The following RASSF1 variants were observed in gnomAD, a reference collection of about 807,000 sequenced individuals.
RASSF1 encodes Ras association domain family member 1.
Under a neutral mutation model 34.3 loss-of-function variants are expected in RASSF1, and 33 were observed. The observed-to-expected ratio is 0.96, with a 90% CI of 0.73 to 1.29. The LOEUF is 1.29. RASSF1 is among the 50% of genes most tolerant of loss of function. The pLI is 0.00. For synonymous variants in RASSF1, 191 were observed against 195.0 expected, an observed-to-expected ratio of 0.98 and a Z score of 0.17; for missense variants, 445 against 471.8, an observed-to-expected ratio of 0.94 and a Z score of 0.53.
chr3:50,339,360 CTT>C lies in RASSF1; in HGVS notation c.250+1194_250+1195del, dbSNP rs1017192174. Among the ~76,000 whole-genome samples the C allele has an allele frequency of 5.1e-3, 529 of 104,418 alleles. 1 individual carries two copies. Among genetic ancestry groups the C allele is most frequent in the African/African-American group, 0.022 (485 of 21,906 alleles). The allele number at this position is 104,418 out of a possible 152,430, so 68.5% of individuals were successfully genotyped here. ...AACGCTGCAATGTCCCAGCCTTGTT[CTT>C]TTTTTTTTTTTTTTTTTTTTTGAGA... On this transcript the variant is annotated intron_variant, in intron 1 of 5. Coordinates refer to ENST00000359365, the MANE Select transcript of RASSF1 (RefSeq NM_007182.5).
rs376674291 is a variant in RASSF1, at chr3:50,331,664, G to T, written c.655C>A (p.Arg219Ser). 6.2e-7 allele frequency: 1 copy of T among 1,612,940 alleles called. No homozygotes were observed. Among genetic ancestry groups the T allele is most frequent in the Admixed American group, 1.7e-5 (1 of 60,022 alleles). Reference sequence around the variant, plus strand: ...TCAATGACTTCACGTGCCCTTGTGCGTGACAGCACATGCAGGTGCTTGACA... The same window carrying T: ...TCAATGACTTCACGTGCCCTTGTGCTTGACAGCACATGCAGGTGCTTGACA... ...DAVKHLHVLS[R>S]TRAREVIEAL... is the part of the protein sequence containing the mutation. Residue 219 changes from arginine (R) to serine (S), a missense_variant, in exon 4 of 6, where the codon CGC (arginine) becomes AGC (serine). Arg to Ser is a moderately radical substitution (Grantham distance 110, BLOSUM62 -1). Coordinates refer to ENST00000359365, the MANE Select transcript of RASSF1 (RefSeq NM_007182.5).
chr3:50,332,808 A>C (rs1443308315), intron 2 of RASSF1, among the ~76,000 whole-genome samples: 1 of 151,644 alleles, frequency 6.6e-6, no homozygotes, highest in African/African-American at 2.4e-5. Flanking sequence ...CAAAAAACAA[A>C]AACAGGCTGG....
Position 50,330,755 on chromosome 3 carries a change from G to T in RASSF1, c.877-28C>A. 6.2e-7 allele frequency: 1 copy of T among 1,607,974 alleles called. No individual in the cohort carries two copies. On this transcript the variant is annotated intron_variant, in intron 5 of 5. Transcript: ENST00000359365. The surrounding 1 kb of genome is among the most constrained non-coding windows in gnomAD (Gnocchi z 4.5). ...GCAAGGGGCAAAAGGGGAGTGTACAGGCTGCAGAAGGGATGGCCAAGCCAG... is the reference window on the plus strand; with the variant it reads ...GCAAGGGGCAAAAGGGGAGTGTACATGCTGCAGAAGGGATGGCCAAGCCAG...
intron 2 of RASSF1, among the ~76,000 whole-genome samples, chr3:50,334,129 A>G (rs1393820950): frequency 6.6e-6 from 1 of 152,164 alleles, no homozygotes; most frequent in Non-Finnish European, 1.5e-5. Flanking sequence ...ATGGGGACAA[A>G]TGGAGAGGAC....
chr3:50,338,636 A>G (rs1289704246), intron 1 of RASSF1, among the ~76,000 whole-genome samples: 1 of 152,066 alleles, frequency 6.6e-6, no homozygotes, highest in Non-Finnish European at 1.5e-5. Context: ...GAAAAACTAA[A>G]CACCTTTAAC....
chr3:50,332,136 C>T lies in RASSF1; in HGVS notation c.376G>A (p.Glu126Lys). 4 of 1,614,150 alleles carry T rather than the reference C, an allele frequency of 2.5e-6. No homozygotes were observed. The highest frequency in any genetic ancestry group is 3.4e-6 in the Non-Finnish European group (4 of 1,180,024). The part of the protein sequence containing the change: ...DTNVDEPVEW[E>K]TPDLSQAEIE... ...TCAGCTTGAGAAAGGTCAGGTGTCT[C>T]CCACTCCACAGGCTCGTCCTGCAAG... The change falls in exon 3 of 6, where the codon GAG (glutamate) becomes AAG (lysine). Residue 126 changes from glutamate (E) to lysine (K), a missense_variant. By Grantham distance (56) the Glu-to-Lys change is moderately conservative. Transcript: ENST00000359365.
At position 50,337,905 on chromosome 3, in the gene RASSF1, C is replaced by A; in HGVS notation, c.357G>T (p.Val119=). 1 of 1,602,348 alleles carries A rather than the reference C, an allele frequency of 6.2e-7. No homozygotes were observed. The highest frequency in any genetic ancestry group is 8.5e-7 in the Non-Finnish European group (1 of 1,170,306). ...CATACGCCCTCGGCCCCGCGCTCAC[C>A]ACGTTCGTGTCCCGCTCCACCGCGG... The part of the protein sequence containing the change: ...WEPAVERDTN[V]DEPVEWETPD... The change falls in exon 2 of 6, where the codon GTG becomes GTT. Residue 119 remains valine (V), a splice_region_variant and synonymous_variant. Transcript: ENST00000359365.
At chr3:50,337,833 A>C (rs587658589) in intron 2 of RASSF1, 72 bp downstream of exon 2, 1 of 1,375,534 alleles carries the variant, frequency 7.3e-7, no homozygotes, top group Non-Finnish European at 1.0e-6. Context: ...GCACCCAGGC[A>C]GCCCTCGAGA....
At position 50,330,164 on chromosome 3, in the gene RASSF1, T is replaced by C. The variant is rs1553718071; in HGVS notation, c.*417A>G. The stretch of plus-strand genomic sequence containing the variant: ...TCTGAGCACCCACCCTTAGCTCTGA[T>C]AAGGATATCCTGAGACCACATTCAA... On this transcript the variant is annotated 3_prime_UTR_variant, in exon 6 of 6. Transcript: ENST00000359365. This position sits in a 1 kb window ranked among gnomAD's most constrained non-coding sequence, Gnocchi z 4.5. The C allele has an allele frequency of 5.9e-6, 1 of 170,218 alleles. No individual in the cohort carries two copies. The highest frequency in any genetic ancestry group is 1.7e-4 in the East Asian group (1 of 5,880). The allele number at this position is 170,218 out of a possible 1,614,324, so 10.5% of individuals were successfully genotyped here.
rs181802745 is a variant in RASSF1 at position 50,334,112 on chromosome 3, C to T, written c.358-1958G>A. Among the ~76,000 whole-genome samples, 44 of 152,296 alleles carry T rather than the reference C, an allele frequency of 2.9e-4. 1 individual carries two copies. Among genetic ancestry groups the T allele is most frequent in the Admixed American group, 2.6e-3 (40 of 15,294 alleles). On this transcript the variant is annotated intron_variant, in intron 2 of 5. Coordinates refer to ENST00000359365, the MANE Select transcript of RASSF1 (RefSeq NM_007182.5). ...CCTGGAGTCCCCTTAAGCACTTAAA[C>T]CATCTGATGGGGACAAATGGAGAGG...
chr3:50,336,018 T>C (rs1323318375), intron 2 of RASSF1, among the ~76,000 whole-genome samples: 3 of 152,228 alleles, frequency 2.0e-5, no homozygotes, highest in African/African-American at 7.2e-5. Context: ...TCCTTCTGCC[T>C]CACCCTCCCA....
At chr3:50,337,422 G>C in intron 2 of RASSF1, 1 of 1,581,076 alleles carries the variant, frequency 6.3e-7, no homozygotes, top group East Asian at 2.3e-5. Flanking sequence ...GTGCGCCCGG[G>C]CCAGAGCCGC....
chr3:50,337,704 G>T (rs1407126500), intron 2 of RASSF1: 20 of 835,054 alleles, frequency 2.4e-5, no homozygotes, highest in Non-Finnish European at 3.3e-5. Flanking sequence ...GCCCGGGTCC[G>T]CTTGCAGCGG....
At chr3:50,334,463 G>T (rs1703054749) in intron 2 of RASSF1, among the ~76,000 whole-genome samples, 1 of 152,204 alleles carries the variant, frequency 6.6e-6, no homozygotes, top group South Asian at 2.1e-4. Flanking sequence ...GGATGTGTTT[G>T]TTCAGTACAC....
chr3:50,337,323 C>G, intron 2 of RASSF1: 1 of 1,611,494 alleles, frequency 6.2e-7, no homozygotes. Flanking sequence ...CGCCCATAGC[C>G]GTACCCGCCC....
chr3:50,337,394 A>G, intron 2 of RASSF1: 2 of 1,592,020 alleles, frequency 1.3e-6, no homozygotes, highest in Non-Finnish European at 1.7e-6. Flanking sequence ...GCGTGCGTGT[A>G]CGCGTGTCAG....
intron 1 of RASSF1, 149 bp downstream of exon 1, chr3:50,340,407 C>T (rs1703319189): frequency 9.0e-7 from 1 of 1,116,654 alleles, no homozygotes; most frequent in Non-Finnish European, 1.2e-6. Flanking sequence ...ACCATTTTCG[C>T]GCACTCTTCA....
intron 2 of RASSF1, chr3:50,337,157 A>AC: frequency 1.3e-6 from 2 of 1,598,144 alleles, no homozygotes; most frequent in Non-Finnish European, 8.5e-7. Context: ...GCCCGCCGGC[A>AC]CCCCCTGGCT....
intron 2 of RASSF1, among the ~76,000 whole-genome samples, chr3:50,332,592 A>T (rs1037043375): frequency 1.3e-5 from 2 of 152,112 alleles, no homozygotes; most frequent in Admixed American, 1.3e-4. Flanking sequence ...GTTTGAGACC[A>T]GCTTGGGCAA....
Sources: allele counts gnomAD v4.1 joint callset (sites outside exome capture counted in the v4.1 genomes callset), GRCh38; gene constraint gnomAD v4.1.1; non-coding constraint Gnocchi (gnomAD v3.1); transcripts MANE v1.5; gene names NCBI Gene and HGNC (gene_info 2026-07-23, HGNC 2026-07-21).